The following SMIM21 variants were observed in gnomAD, a reference collection of about 807,000 sequenced individuals.
The protein encoded by SMIM21 is chromosome 18 open reading frame 62.
In SMIM21, 8 loss-of-function variants were observed where a neutral mutation model predicts 8.6. The observed-to-expected ratio is 0.93, with a 90% CI of 0.55 to 1.68. SMIM21 has a LOEUF of 1.68. SMIM21 is among the 40% of genes most tolerant of loss of function. SMIM21 has a pLI of 0.00. For synonymous variants in SMIM21, 43 were observed against 41.7 expected, an observed-to-expected ratio of 1.03 and a Z score of -0.12; for missense variants, 132 against 123.0, an observed-to-expected ratio of 1.07 and a Z score of -0.35.
chr18:75,419,425 C>T (rs577397663), intron 1 of SMIM21, among the ~76,000 whole-genome samples: 10 of 152,084 alleles, frequency 6.6e-5, no homozygotes, highest in Non-Finnish European at 1.3e-4. Context: ...TCAAATCATG[C>T]CATATATCAT....
Position 75,427,604 on chromosome 18 carries a change from G to A in SMIM21, c.-41C>T. 6.5e-7 allele frequency: 1 copy of A among 1,549,466 alleles called. No homozygotes were observed. The highest frequency in any genetic ancestry group is 8.7e-7 in the Non-Finnish European group (1 of 1,146,752). ...GTGACCAGTGAGAGGTCTCCTTGAT[G>A]ACAGCGACTCTGAGGACACAGAGCT... On this transcript the variant is annotated 5_prime_UTR_variant, in exon 1 of 3. Transcript: ENST00000579022.
At chr18:75,421,790 C>G (rs1293132129) in intron 1 of SMIM21, among the ~76,000 whole-genome samples, 1 of 152,184 alleles carries the variant, frequency 6.6e-6, no homozygotes, top group Non-Finnish European at 1.5e-5. Context: ...TTACAAACCT[C>G]TGTAATGCCC....
intron 2 of SMIM21, chr18:75,416,062 G>C (rs1354204319): frequency 2.6e-5 from 4 of 152,196 alleles, no homozygotes; most frequent in Non-Finnish European, 5.9e-5. Context: ...ATCCGTAAAA[G>C]TGAAATGGCA....
intron 1 of SMIM21, among the ~76,000 whole-genome samples, chr18:75,426,973 T>C (rs1412051327): frequency 6.6e-6 from 1 of 152,238 alleles, no homozygotes; most frequent in Non-Finnish European, 1.5e-5. Context: ...GTTAAATTTG[T>C]TGCAACTTTT....
At chr18:75,424,312 A>G (rs1348018855) in intron 1 of SMIM21, among the ~76,000 whole-genome samples, 3 of 152,218 alleles carry the variant, frequency 2.0e-5, no homozygotes, top group African/African-American at 7.2e-5. Context: ...TCCTTCCTTG[A>G]CCTGAAACTT....
chr18:75,419,492 T>C (rs2024687247), intron 1 of SMIM21, among the ~76,000 whole-genome samples: 1 of 152,212 alleles, frequency 6.6e-6, no homozygotes, highest in Non-Finnish European at 1.5e-5. Flanking sequence ...TATTCTGAAT[T>C]TCACAGTCTT....
At position 75,418,854 on chromosome 18, in the gene SMIM21, C is replaced by T. The variant is rs1163083618; in HGVS notation, c.192G>A (p.Leu64=). The T allele has an allele frequency of 6.8e-6, 11 of 1,610,690 alleles. No individual in the cohort carries two copies. The South Asian group carries it at 1.1e-4, about 16-fold the overall frequency. Reference sequence around the variant, plus strand: ...CTTGTATCCTGCTATGATTCCTCAGCAACACCATCACATGGAAAAGAACCA... The same window carrying T: ...CTTGTATCCTGCTATGATTCCTCAGTAACACCATCACATGGAAAAGAACCA... ...TLLVLFHVMV[L]LRNHSRIQGV... The change falls in exon 2 of 3, where the codon TTG becomes TTA. Residue 64 remains leucine (L), a synonymous_variant. Coordinates refer to ENST00000579022, the MANE Select transcript of SMIM21 (RefSeq NM_001037331.3).
chr18:75,417,720 C>G (rs62089460), intron 2 of SMIM21: 1 of 152,508 alleles, frequency 6.6e-6, no homozygotes, highest in Admixed American at 6.5e-5. Context: ...AAACCCAGAG[C>G]AGACCAGGAG....
At position 75,427,647 on chromosome 18, in the gene SMIM21, T is replaced by C. The variant is rs2024779760; in HGVS notation, c.-84A>G. On this transcript the variant is annotated 5_prime_UTR_variant, in exon 1 of 3. Transcript: ENST00000579022. Reference sequence around the variant, plus strand: ...ACAGAGCTGGTGCTATAAGACCTGGTAACTAAGTTCCCAAGGAGCTTTTCT... The same window carrying C: ...ACAGAGCTGGTGCTATAAGACCTGGCAACTAAGTTCCCAAGGAGCTTTTCT... 1.4e-6 allele frequency: 2 copies of C among 1,380,394 alleles called. No individual in the cohort carries two copies. Among genetic ancestry groups the C allele is most frequent in the Non-Finnish European group, 1.9e-6 (2 of 1,050,706 alleles). The allele number at this position is 1,380,394 out of a possible 1,614,324, so 85.5% of individuals were successfully genotyped here.
intron 2 of SMIM21, 122 bp from the exon 3 acceptor site, chr18:75,411,031 C>T: frequency 6.4e-6 from 9 of 1,395,818 alleles, no homozygotes; most frequent in Non-Finnish European, 8.7e-6. Flanking sequence ...AATTTTTCCC[C>T]CCAAGATTTT....
At chr18:75,424,520 A>G (rs1486396910) in intron 1 of SMIM21, among the ~76,000 whole-genome samples, 1 of 152,156 alleles carries the variant, frequency 6.6e-6, no homozygotes, top group South Asian at 2.1e-4. Flanking sequence ...CTCTTCCTTC[A>G]ATTGATAGGA....
At chr18:75,424,275 C>G (rs899449837) in intron 1 of SMIM21, among the ~76,000 whole-genome samples, 29 of 152,256 alleles carry the variant, frequency 1.9e-4, no homozygotes, top group Non-Finnish European at 2.5e-4. Flanking sequence ...GTGTCCACGT[C>G]AGGACGAAAA....
chr18:75,426,459 G>C (rs1459283071), intron 1 of SMIM21, among the ~76,000 whole-genome samples: 6 of 151,368 alleles, frequency 4.0e-5, no homozygotes, highest in Non-Finnish European at 8.8e-5. Context: ...ACAAGTGCCC[G>C]CCACCACGAC....
At chr18:75,427,331 C>CT in intron 1 of SMIM21, 104 bp downstream of exon 1, 1 of 1,266,160 alleles carries the variant, frequency 7.9e-7, no homozygotes, top group Non-Finnish European at 1.1e-6. Context: ...ATTTGAGAGA[C>CT]AGAGCACTCA....
chr18:75,419,570 A>G (rs572002019), intron 1 of SMIM21, among the ~76,000 whole-genome samples: 20 of 152,332 alleles, frequency 1.3e-4, no homozygotes, highest in African/African-American at 4.3e-4. Flanking sequence ...ATTAACATCA[A>G]TGAAAATAAA....
chr18:75,422,988 G>A (rs1381696062), intron 1 of SMIM21, among the ~76,000 whole-genome samples: 3 of 152,160 alleles, frequency 2.0e-5, no homozygotes, highest in Admixed American at 2.0e-4. Context: ...GAAACACTTT[G>A]TCCTTAATTT....
intron 1 of SMIM21, among the ~76,000 whole-genome samples, chr18:75,425,509 AT>A (rs202005646): frequency 1.3e-5 from 2 of 152,216 alleles, no homozygotes; most frequent in South Asian, 2.1e-4. Flanking sequence ...AGTAGTGAGA[AT>A]TGTTCACACC....
intron 1 of SMIM21, among the ~76,000 whole-genome samples, chr18:75,426,322 T>G (rs1347009590): frequency 6.7e-6 from 1 of 149,600 alleles, no homozygotes; most frequent in Non-Finnish European, 1.5e-5. Flanking sequence ...TTTGTTTGTT[T>G]TTTGAGGGAC....
chr18:75,421,833 T>G (rs1599108350), intron 1 of SMIM21, among the ~76,000 whole-genome samples: 1 of 152,220 alleles, frequency 6.6e-6, no homozygotes, highest in East Asian at 1.9e-4. Flanking sequence ...TTTTCTTATC[T>G]GCTTCTGCAC....
Sources: gnomAD v4.1 joint callset for allele counts (sites outside exome capture counted in the v4.1 genomes callset) on GRCh38, gnomAD v4.1.1 for gene constraint, MANE v1.5 for transcripts, NCBI Gene and HGNC (gene_info 2026-07-23, HGNC 2026-07-21) for gene names.